PCDHA7: variants seen among roughly 807,000 people sequenced by gnomAD.
PCDHA7 encodes the protein protocadherin alpha-7.
Under a neutral mutation model 57.2 loss-of-function variants are expected in PCDHA7, and 37 were observed. The ratio of observed to expected loss-of-function variants is 0.65; its 90% CI spans 0.50 to 0.85. The LOEUF (loss-of-function observed/expected upper bound fraction) is 0.85, where lower values mean the gene tolerates loss of function less well. PCDHA7 is among the 40% of genes least tolerant of loss of function. The pLI is 0.00. For synonymous variants in PCDHA7, 553 were observed against 558.8 expected, an observed-to-expected ratio of 0.99 and a Z score of 0.15; for missense variants, 1,188 against 1,241.8, an observed-to-expected ratio of 0.96 and a Z score of 0.65.
chr5:140,897,970 G>A (rs561364842), intron 1 of PCDHA7, among the ~76,000 whole-genome samples: 10 of 152,210 alleles, frequency 6.6e-5, no homozygotes, highest in Admixed American at 2.6e-4. Context: ...TGTGTCTTTT[G>A]GCTGCATAAA....
intron 1 of PCDHA7, among the ~76,000 whole-genome samples, chr5:140,944,191 G>A (rs181232402): frequency 6.6e-6 from 1 of 151,980 alleles, no homozygotes. Flanking sequence ...GGTTTGTTTT[G>A]TTTTGTTTTG....
rs377044316 is a variant in PCDHA7 at position 140,883,116 on chromosome 5, G to A, written c.2355+46378G>A. 14 of 1,613,818 alleles carry A rather than the reference G, an allele frequency of 8.7e-6. No homozygotes were observed. The African/African-American group carries it at 1.9e-4, about 22-fold the overall frequency. On this transcript the variant is annotated intron_variant, in intron 1 of 3. Coordinates refer to ENST00000525929, the MANE Select transcript of PCDHA7 (RefSeq NM_018910.3). ...GGAGATATAGTTTACTCATTTAGAAGGCCTGTATGGCCTGCAGTGGTATAT... is the reference window on the plus strand; with the variant it reads ...GGAGATATAGTTTACTCATTTAGAAAGCCTGTATGGCCTGCAGTGGTATAT...
intron 1 of PCDHA7, chr5:140,871,328 G>C: frequency 1.9e-6 from 3 of 1,614,128 alleles, no homozygotes; most frequent in Non-Finnish European, 2.5e-6. Flanking sequence ...GTGTGCTCCC[G>C]CGCGGTGGGG....
intron 1 of PCDHA7, among the ~76,000 whole-genome samples, chr5:140,973,646 A>C (rs1413605589): frequency 1.3e-5 from 2 of 152,216 alleles, no homozygotes; most frequent in African/African-American, 4.8e-5. Flanking sequence ...TTCTGACTGA[A>C]GAAGAAATCT....
At chr5:140,948,259 G>A (rs1430770984) in intron 1 of PCDHA7, among the ~76,000 whole-genome samples, 3 of 151,464 alleles carry the variant, frequency 2.0e-5, no homozygotes, top group Non-Finnish European at 3.0e-5. Context: ...TTACATCTGT[G>A]TTCATGTAGA....
chr5:140,844,257 G>A lies in PCDHA7; in HGVS notation c.2355+7519G>A, dbSNP rs1328189428. Among the ~76,000 whole-genome samples, 4 of 149,406 alleles carry A rather than the reference G, an allele frequency of 2.7e-5. 1 individual carries two copies. Among genetic ancestry groups the A allele is most frequent in the African/African-American group, 9.8e-5 (4 of 40,832 alleles). ...CACTATTGCCGTTTTAAGCAGTGTA[G>A]TGATAAAATACAGAATGATAGTGTT... On this transcript the variant is annotated intron_variant, in intron 1 of 3. Transcript: ENST00000525929.
At chr5:140,853,555 G>A in intron 1 of PCDHA7, 1 of 980,632 alleles carries the variant, frequency 1.0e-6, no homozygotes, top group Non-Finnish European at 1.2e-6. Context: ...TTACTATATA[G>A]GAAAAACTAA....
chr5:140,893,388 CATG>C (rs2063965035), intron 1 of PCDHA7, among the ~76,000 whole-genome samples: 1 of 152,132 alleles, frequency 6.6e-6, no homozygotes, highest in South Asian at 2.1e-4. Context: ...GACAGTGGCT[CATG>C]CCTGTAATCC....
chr5:140,967,361 C>G (rs1323729968), intron 1 of PCDHA7: 9 of 1,607,256 alleles, frequency 5.6e-6, no homozygotes, highest in African/African-American at 1.3e-5. Context: ...GGACCTTAAG[C>G]CCCTGCAGGA....
At chr5:140,995,546 C>T (rs2097688546) in intron 3 of PCDHA7, among the ~76,000 whole-genome samples, 1 of 152,184 alleles carries the variant, frequency 6.6e-6, no homozygotes, top group African/African-American at 2.4e-5. Context: ...AAGGGGCGAT[C>T]ACTGTACTGA....
At chr5:140,851,973 C>A in intron 1 of PCDHA7, 1 of 976,422 alleles carries the variant, frequency 1.0e-6, no homozygotes, top group African/African-American at 1.8e-5. Flanking sequence ...CCACACTCTA[C>A]CTTTAGTGCA....
At chr5:140,906,829 C>T (rs2072974984) in intron 1 of PCDHA7, among the ~76,000 whole-genome samples, 1 of 152,244 alleles carries the variant, frequency 6.6e-6, no homozygotes, top group Non-Finnish European at 1.5e-5. Context: ...GAGTAGTAGA[C>T]TGATTTCATC....
intron 1 of PCDHA7, among the ~76,000 whole-genome samples, chr5:140,940,415 A>G (rs1187271340): frequency 2.0e-5 from 3 of 152,118 alleles, no homozygotes; most frequent in African/African-American, 7.2e-5. Flanking sequence ...TAAAAATTAT[A>G]ATTATTACTG....
intron 3 of PCDHA7, among the ~76,000 whole-genome samples, chr5:140,998,727 G>T (rs2097831761): frequency 6.6e-6 from 1 of 152,076 alleles, no homozygotes; most frequent in African/African-American, 2.4e-5. Flanking sequence ...ACCACGCTAG[G>T]CTAATTTTGT....
At chr5:140,883,756 G>A (rs1404911116) in intron 1 of PCDHA7, 7 of 1,612,950 alleles carry the variant, frequency 4.3e-6, no homozygotes, top group Non-Finnish European at 5.1e-6. Flanking sequence ...CGCTGGTGGA[G>A]CGGCGGGTGG....
chr5:140,868,653 G>T (rs897751330), intron 1 of PCDHA7: 1 of 162,858 alleles, frequency 6.1e-6, no homozygotes, highest in African/African-American at 2.4e-5. Flanking sequence ...CTGTGTATAA[G>T]TATTTTAGAT....
chr5:140,876,306 C>A (rs2056271023), intron 1 of PCDHA7: 1 of 1,613,986 alleles, frequency 6.2e-7, no homozygotes, highest in Non-Finnish European at 8.5e-7. Context: ...GAGAAATTTC[C>A]TATGGGATCA....
At chr5:140,895,964 C>T (rs2065282764) in intron 1 of PCDHA7, among the ~76,000 whole-genome samples, 2 of 152,120 alleles carry the variant, frequency 1.3e-5, no homozygotes, top group South Asian at 4.1e-4. Flanking sequence ...GTGCCTGTCA[C>T]CAGGCCTAGC....
chr5:140,869,972 A>T (rs782424515), intron 1 of PCDHA7: 14 of 1,613,080 alleles, frequency 8.7e-6, no homozygotes. Context: ...AATGGAAGAC[A>T]CTTATTTACA....
Sources: allele counts gnomAD v4.1 joint callset (sites outside exome capture counted in the v4.1 genomes callset), GRCh38; gene constraint gnomAD v4.1.1; transcripts MANE v1.5; gene names NCBI Gene and HGNC (gene_info 2026-07-23, HGNC 2026-07-21).